Variants in BRINP3 observed in about 807,000 individuals in gnomAD.
BRINP3 encodes the protein BMP/retinoic acid inducible neural specific 3.
BRINP3 carries 19 observed loss-of-function variants against 71.0 expected under a neutral mutation model. The observed-to-expected ratio is 0.27, with a 90% confidence interval of 0.19 to 0.39. The LOEUF (loss-of-function observed/expected upper bound fraction) is 0.39. Among genes scored for constraint, BRINP3 ranks in the 10% least tolerant of loss-of-function variants. The pLI is 1.00. For missense variants in BRINP3, 959 were observed against 940.8 expected, an observed-to-expected ratio of 1.02 and a Z score of -0.25; for synonymous variants, 380 against 337.7, an observed-to-expected ratio of 1.13 and a Z score of -1.37.
chr1:190,373,434 ATGTG>A (rs71123087), intron 2 of BRINP3, among the ~76,000 whole-genome samples: 26,619 of 143,776 alleles, frequency 0.19, 2,496 homozygotes, highest in African/African-American at 0.25. Context: ...ATATATATAT[ATGTG>A]TGTGTGTGTG....
chr1:190,227,586 A>T (rs1037683909), intron 5 of BRINP3, among the ~76,000 whole-genome samples: 7 of 151,906 alleles, frequency 4.6e-5, no homozygotes, highest in African/African-American at 1.7e-4. Context: ...AATATAATTA[A>T]TTGGCTAAAC....
chr1:190,371,652 G>T (rs940179399), intron 2 of BRINP3, among the ~76,000 whole-genome samples: 1 of 152,134 alleles, frequency 6.6e-6, no homozygotes, highest in African/African-American at 2.4e-5. Context: ...TTTGACTAGT[G>T]TCTTTTATGG....
intron 2 of BRINP3, among the ~76,000 whole-genome samples, chr1:190,431,382 G>A (rs1007367797): frequency 2.0e-5 from 3 of 151,496 alleles, no homozygotes; most frequent in African/African-American, 4.9e-5. Context: ...ATTTTTAGAC[G>A]GCGACTCTCT....
At chr1:190,295,981 C>T (rs1052480726) in intron 2 of BRINP3, among the ~76,000 whole-genome samples, 1 of 151,256 alleles carries the variant, frequency 6.6e-6, no homozygotes, top group East Asian at 2.0e-4. Flanking sequence ...TGCAAGGTAA[C>T]AATCACTGGG....
At chr1:190,375,718 A>G (rs1001683183) in intron 2 of BRINP3, among the ~76,000 whole-genome samples, 2 of 152,000 alleles carry the variant, frequency 1.3e-5, no homozygotes, top group African/African-American at 2.4e-5. Context: ...ATACACATGT[A>G]TGGAAATTCA....
chr1:190,312,345 A>C lies in BRINP3; in HGVS notation c.237-30595T>G, dbSNP rs931786358. Among the ~76,000 whole-genome samples the C allele has an allele frequency of 2.0e-5, 3 of 151,484 alleles. No homozygotes were observed. In the Admixed American group the frequency reaches 2.0e-4, roughly 10 times the overall value. On this transcript the variant is annotated intron_variant, in intron 2 of 7. Coordinates refer to ENST00000367462, the MANE Select transcript of BRINP3 (RefSeq NM_199051.3). ...AATAAATTTTGAATGACACTAAAGC[A>C]TCAAGAAAAGTCAAAATACAGCATT...
At chr1:190,363,234 A>T (rs1405798315) in intron 2 of BRINP3, among the ~76,000 whole-genome samples, 2 of 152,156 alleles carry the variant, frequency 1.3e-5, no homozygotes, top group Non-Finnish European at 2.9e-5. Flanking sequence ...ACTGCAAGAA[A>T]TTAAGTACTG....
chr1:190,229,785 A>C (rs1657781696), intron 5 of BRINP3, among the ~76,000 whole-genome samples: 1 of 152,114 alleles, frequency 6.6e-6, no homozygotes, highest in East Asian at 1.9e-4. Flanking sequence ...TCTTCTCTGA[A>C]GGAAAATGCA....
intron 6 of BRINP3, among the ~76,000 whole-genome samples, chr1:190,187,536 AT>A (rs1210986850): frequency 2.0e-5 from 3 of 151,984 alleles, no homozygotes; most frequent in Non-Finnish European, 2.9e-5. Context: ...TATTTAATCT[AT>A]TTTTACTTGA....
intron 2 of BRINP3, among the ~76,000 whole-genome samples, chr1:190,340,445 C>G (rs1243554228): frequency 6.6e-6 from 1 of 151,734 alleles, no homozygotes; most frequent in Non-Finnish European, 1.5e-5. Context: ...TATACTCTTC[C>G]TTCTTATTGA....
At chr1:190,123,406 G>A (rs1453880104) in intron 7 of BRINP3, among the ~76,000 whole-genome samples, 1 of 152,068 alleles carries the variant, frequency 6.6e-6, no homozygotes, top group Admixed American at 6.6e-5. Context: ...TCTATGAAAA[G>A]CAATACACTA....
intron 2 of BRINP3, among the ~76,000 whole-genome samples, chr1:190,359,668 C>T (rs1321298343): frequency 1.3e-5 from 2 of 152,022 alleles, no homozygotes; most frequent in African/African-American, 4.8e-5. Context: ...TTGGCCATAC[C>T]TCTTGCATAC....
At chr1:190,193,184 C>T (rs1654194771) in intron 6 of BRINP3, among the ~76,000 whole-genome samples, 1 of 151,688 alleles carries the variant, frequency 6.6e-6, no homozygotes, top group Non-Finnish European at 1.5e-5. Context: ...AATGGGCTTC[C>T]TTAGAAGAAA....
At chr1:190,338,469 G>A (rs1013254808) in intron 2 of BRINP3, among the ~76,000 whole-genome samples, 9 of 152,138 alleles carry the variant, frequency 5.9e-5, no homozygotes, top group Non-Finnish European at 8.8e-5. Context: ...CTATTGTCCA[G>A]AGGAGAAAAT....
At chr1:190,463,556 A>G (rs1676537457) in intron 1 of BRINP3, among the ~76,000 whole-genome samples, 1 of 151,850 alleles carries the variant, frequency 6.6e-6, no homozygotes, top group African/African-American at 2.4e-5. Context: ...TTCCATGAAC[A>G]TATTCAAACA....
chr1:190,455,987 A>C (rs1178233973), intron 1 of BRINP3, among the ~76,000 whole-genome samples: 3 of 152,212 alleles, frequency 2.0e-5, no homozygotes, highest in Non-Finnish European at 4.4e-5. Context: ...CATAGCACAT[A>C]GCACTACAGA....
chr1:190,270,483 G>C (rs1662010518), intron 3 of BRINP3, among the ~76,000 whole-genome samples: 1 of 151,480 alleles, frequency 6.6e-6, no homozygotes, highest in Admixed American at 6.6e-5. Context: ...ATCAATTTTT[G>C]GAATATATTC....
chr1:190,297,112 A>G (rs1192008364), intron 2 of BRINP3, among the ~76,000 whole-genome samples: 1 of 152,000 alleles, frequency 6.6e-6, no homozygotes, highest in African/African-American at 2.4e-5. Context: ...TATTAAAAAA[A>G]CCCCAGCAAA....
At chr1:190,474,265 C>A (rs1015948407) in intron 1 of BRINP3, 1 of 152,460 alleles carries the variant, frequency 6.6e-6, no homozygotes, top group African/African-American at 2.4e-5. Flanking sequence ...TACCCTGTTT[C>A]GTGAATGTGA....
Sources: allele counts gnomAD v4.1 joint callset (sites outside exome capture counted in the v4.1 genomes callset), GRCh38; gene constraint gnomAD v4.1.1; transcripts MANE v1.5; gene names NCBI Gene and HGNC (gene_info 2026-07-23, HGNC 2026-07-21).